Variants in CTNNA3 observed in about 807,000 individuals in gnomAD.
CTNNA3 encodes the protein catenin alpha-3.
Under a neutral mutation model 95.7 loss-of-function variants are expected in CTNNA3, and 76 were observed. That is an observed-to-expected ratio of 0.79 (90% CI 0.66 to 0.96). CTNNA3 has a LOEUF of 0.96. CTNNA3 is among the 40% of genes least tolerant of loss of function. The pLI, the probability that CTNNA3 is intolerant of heterozygous loss-of-function variation, is 0.00. For missense variants in CTNNA3, 1,191 were observed against 1,089.8 expected, an observed-to-expected ratio of 1.09 and a Z score of -1.31; for synonymous variants, 431 against 374.4, an observed-to-expected ratio of 1.15 and a Z score of -1.74.
chr10:66,893,638 T>C (rs1845359532), intron 7 of CTNNA3, among the ~76,000 whole-genome samples: 1 of 151,946 alleles, frequency 6.6e-6, no homozygotes, highest in South Asian at 2.1e-4. Context: ...ATTTACAAGA[T>C]AAGATTAGAG....
At chr10:66,911,646 C>A (rs1052132166) in intron 7 of CTNNA3, among the ~76,000 whole-genome samples, 1 of 152,224 alleles carries the variant, frequency 6.6e-6, no homozygotes, top group African/African-American at 2.4e-5. Flanking sequence ...ATTAATTGAA[C>A]CAGTTACTTC....
Position 67,478,934 on chromosome 10 carries a change from T to C in CTNNA3, c.579+42908A>G, listed in dbSNP as rs189489960. Among the ~76,000 whole-genome samples the C allele has an allele frequency of 2.0e-3, 307 of 151,264 alleles. 1 individual carries two copies. The highest frequency in any genetic ancestry group is 4.2e-3 in the South Asian group (20 of 4,712). ...ATGAGTTGGGAAAAGATCTATCATGTAAACAGAAAACAAAAAAACGGCGGG... is the reference window on the plus strand; with the variant it reads ...ATGAGTTGGGAAAAGATCTATCATGCAAACAGAAAACAAAAAAACGGCGGG... On this transcript the variant is annotated intron_variant, in intron 5 of 17. Coordinates refer to ENST00000433211, the MANE Select transcript of CTNNA3 (RefSeq NM_013266.4).
At chr10:67,683,521 C>A (rs780632155) in intron 1 of CTNNA3, among the ~76,000 whole-genome samples, 33 of 152,194 alleles carry the variant, frequency 2.2e-4, no homozygotes, top group Non-Finnish European at 4.3e-4. Context: ...AACTCTGGGC[C>A]TCTTTGAACT....
chr10:67,004,889 T>C (rs1465385383), intron 7 of CTNNA3, among the ~76,000 whole-genome samples: 1 of 152,164 alleles, frequency 6.6e-6, no homozygotes, highest in Non-Finnish European at 1.5e-5. Flanking sequence ...AAAAGGGAAA[T>C]AACTCTAGTA....
chr10:66,994,493 A>G (rs192578822), intron 7 of CTNNA3, among the ~76,000 whole-genome samples: 22 of 152,348 alleles, frequency 1.4e-4, no homozygotes, highest in Non-Finnish European at 2.4e-4. Flanking sequence ...CTAGTTTTGC[A>G]TCATGCTGAA....
intron 1 of CTNNA3, among the ~76,000 whole-genome samples, chr10:67,666,773 A>C (rs1589552034): frequency 6.6e-6 from 1 of 152,148 alleles, no homozygotes; most frequent in East Asian, 1.9e-4. Context: ...TGCCCATATA[A>C]ATTTGACTTT....
intron 12 of CTNNA3, among the ~76,000 whole-genome samples, chr10:66,295,478 A>G (rs946200340): frequency 6.6e-6 from 1 of 152,170 alleles, no homozygotes; most frequent in Non-Finnish European, 1.5e-5. Context: ...CCAGAATTGA[A>G]AGTTTGTAAT....
intron 5 of CTNNA3, among the ~76,000 whole-genome samples, chr10:67,336,083 T>G (rs758327315): frequency 2.6e-5 from 4 of 152,190 alleles, no homozygotes; most frequent in Admixed American, 2.0e-4. Flanking sequence ...TGGGGCACCA[T>G]GAACAGCACC....
At chr10:67,225,778 C>T (rs1442243913) in intron 5 of CTNNA3, among the ~76,000 whole-genome samples, 2 of 152,122 alleles carry the variant, frequency 1.3e-5, no homozygotes, top group South Asian at 2.1e-4. Flanking sequence ...TAAGAAGGAA[C>T]CAGAAAAAAA....
chr10:67,291,261 T>A (rs1287823295), intron 5 of CTNNA3, among the ~76,000 whole-genome samples: 1 of 152,178 alleles, frequency 6.6e-6, no homozygotes, highest in Admixed American at 6.5e-5. Flanking sequence ...ATGCTAGCTA[T>A]GGTAAATAAA....
rs535318232 is a variant in CTNNA3 at position 66,177,292 on chromosome 10, G to A, written c.1885-74043C>T. On this transcript the variant is annotated intron_variant, in intron 13 of 17. Transcript: ENST00000433211. ...ATTTTCCAAATTTCCTGGATTTTAA[G>A]GTTAGAAGCAAAAATGAGAGAAGAT... 1.9e-3 allele frequency among the ~76,000 whole-genome samples: 296 copies of A among 151,892 alleles called. 1 individual carries two copies. The highest frequency in any genetic ancestry group is 6.6e-3 in the African/African-American group (274 of 41,454).
intron 12 of CTNNA3, among the ~76,000 whole-genome samples, chr10:66,318,456 C>A (rs2092134636): frequency 6.6e-6 from 1 of 151,880 alleles, no homozygotes; most frequent in Admixed American, 6.6e-5. Flanking sequence ...TCGTTGTGAT[C>A]CATAGATACC....
chr10:67,188,169 T>C (rs1270918209), intron 6 of CTNNA3, among the ~76,000 whole-genome samples: 2 of 152,184 alleles, frequency 1.3e-5, no homozygotes, highest in Non-Finnish European at 1.5e-5. Context: ...CAGACGTAAG[T>C]CTGGACAATT....
intron 7 of CTNNA3, among the ~76,000 whole-genome samples, chr10:66,957,674 T>C (rs962626467): frequency 6.6e-6 from 1 of 151,420 alleles, no homozygotes; most frequent in Non-Finnish European, 1.5e-5. Context: ...TTTGCAAAAA[T>C]GTAGGCCGAC....
chr10:66,437,567 T>C (rs1207221458), intron 11 of CTNNA3, among the ~76,000 whole-genome samples: 1 of 152,112 alleles, frequency 6.6e-6, no homozygotes, highest in Non-Finnish European at 1.5e-5. Flanking sequence ...CTAAACTGCT[T>C]ATTCCAGTTA....
chr10:66,287,340 G>C (rs552729669), intron 12 of CTNNA3, among the ~76,000 whole-genome samples: 3 of 152,218 alleles, frequency 2.0e-5, no homozygotes, highest in South Asian at 2.1e-4. Context: ...TTACTTTACT[G>C]TATGTGTTTT....
At chr10:66,948,860 G>A (rs1179389574) in intron 7 of CTNNA3, among the ~76,000 whole-genome samples, 1 of 152,142 alleles carries the variant, frequency 6.6e-6, no homozygotes, top group African/African-American at 2.4e-5. Context: ...TCAGTGAAAT[G>A]TTCTTTTCAG....
At chr10:66,683,222 T>C (rs1847128852) in intron 9 of CTNNA3, among the ~76,000 whole-genome samples, 1 of 152,136 alleles carries the variant, frequency 6.6e-6, no homozygotes, top group Non-Finnish European at 1.5e-5. Flanking sequence ...GGGAAAAGAT[T>C]GTGGTGGACT....
At chr10:65,983,270 T>C (rs533818029) in intron 16 of CTNNA3, among the ~76,000 whole-genome samples, 3 of 151,602 alleles carry the variant, frequency 2.0e-5, no homozygotes, top group African/African-American at 7.2e-5. Context: ...CACCGAGGGA[T>C]CAGAAAGTCT....
Sources: gnomAD v4.1 joint callset for allele counts (sites outside exome capture counted in the v4.1 genomes callset) on GRCh38, gnomAD v4.1.1 for gene constraint, MANE v1.5 for transcripts, NCBI Gene and HGNC (gene_info 2026-07-23, HGNC 2026-07-21) for gene names.